RHEX: variants seen among roughly 807,000 people sequenced by gnomAD.
The protein encoded by RHEX is regulator of hemoglobinization and erythroid cell expansion protein.
RHEX carries 18 observed loss-of-function variants against 20.1 expected under a neutral mutation model. That is an observed-to-expected ratio of 0.90 (90% CI 0.62 to 1.33). The LOEUF is 1.33. Ranked by LOEUF, RHEX falls within the 40% of genes most tolerant of loss-of-function variation. The pLI, the probability that RHEX is intolerant of heterozygous loss-of-function variation, is 0.00. For synonymous variants in RHEX, 87 were observed against 77.1 expected, an observed-to-expected ratio of 1.13 and a Z score of -0.67; for missense variants, 192 against 214.3, an observed-to-expected ratio of 0.90 and a Z score of 0.65.
chr1:206,095,371 G>A (rs1663042976), intron 1 of RHEX, among the ~76,000 whole-genome samples: 1 of 150,204 alleles, frequency 6.7e-6, no homozygotes. Flanking sequence ...ACATGTTTAC[G>A]ATATATTAAG....
At chr1:206,056,820 A>T (rs1662203697) in intron 1 of RHEX, among the ~76,000 whole-genome samples, 1 of 152,252 alleles carries the variant, frequency 6.6e-6, no homozygotes, top group African/African-American at 2.4e-5. Context: ...AGTAAAAAAA[A>T]ATAAGTATAT....
intron 1 of RHEX, among the ~76,000 whole-genome samples, chr1:206,086,134 G>A (rs922018717): frequency 6.6e-6 from 1 of 152,120 alleles, no homozygotes; most frequent in Non-Finnish European, 1.5e-5. Flanking sequence ...CATAGGAACA[G>A]GCATTGTTTA....
intron 1 of RHEX, among the ~76,000 whole-genome samples, chr1:206,095,605 T>C (rs1252496301): frequency 6.6e-6 from 1 of 151,992 alleles, no homozygotes; most frequent in African/African-American, 2.4e-5. Context: ...TCACCTGAGG[T>C]TGGGAGTTCG....
intron 1 of RHEX, among the ~76,000 whole-genome samples, chr1:206,087,178 TG>T (rs1403250320): frequency 6.6e-6 from 1 of 152,244 alleles, no homozygotes; most frequent in African/African-American, 2.4e-5. Flanking sequence ...CTCGCTTGTG[TG>T]GTCGCTTTGC....
At chr1:206,089,096 A>G (rs1662896252) in intron 1 of RHEX, among the ~76,000 whole-genome samples, 1 of 152,228 alleles carries the variant, frequency 6.6e-6, no homozygotes. Context: ...CTATTTAGAA[A>G]TAACTCCCAA....
intron 4 of RHEX, 138 bp downstream of exon 4, chr1:206,099,936 G>T (rs548476069): frequency 1.1e-5 from 8 of 732,680 alleles, no homozygotes; most frequent in Non-Finnish European, 1.4e-5. Context: ...GGACAGCCTT[G>T]CCAGCCTACT....
intron 1 of RHEX, among the ~76,000 whole-genome samples, chr1:206,080,035 G>A (rs559833107): frequency 3.9e-5 from 6 of 152,332 alleles, no homozygotes; most frequent in African/African-American, 1.4e-4. Flanking sequence ...TATAGACGTT[G>A]TTCAGGATCA....
At chr1:206,064,674 G>A (rs1388310883) in intron 1 of RHEX, among the ~76,000 whole-genome samples, 13 of 149,098 alleles carry the variant, frequency 8.7e-5, no homozygotes, top group Non-Finnish European at 1.8e-4. Flanking sequence ...CCCCCCGCCC[G>A]GCCAGCCGCC....
At chr1:206,100,540 A>T (rs1663166926) in intron 4 of RHEX, among the ~76,000 whole-genome samples, 1 of 152,176 alleles carries the variant, frequency 6.6e-6, no homozygotes, top group Admixed American at 6.5e-5. Flanking sequence ...TTTCAACAGA[A>T]CTGGAGAGGC....
intron 1 of RHEX, among the ~76,000 whole-genome samples, chr1:206,060,220 C>CT (rs782252416): frequency 6.6e-6 from 1 of 151,930 alleles, no homozygotes; most frequent in Non-Finnish European, 1.5e-5. Context: ...ATGATTGTTC[C>CT]TATCTCAGGT....
intron 1 of RHEX, among the ~76,000 whole-genome samples, chr1:206,058,287 C>T (rs1294603878): frequency 2.6e-5 from 4 of 151,986 alleles, no homozygotes; most frequent in African/African-American, 7.2e-5. Context: ...AAAACTTCGT[C>T]GCTTAACCTT....
intron 5 of RHEX, 21 bp downstream of exon 5, chr1:206,101,218 T>C: frequency 6.3e-7 from 1 of 1,593,488 alleles, no homozygotes; most frequent in South Asian, 1.1e-5. Context: ...TGCCTAGTGA[T>C]CTCAGACGAA....
intron 1 of RHEX, among the ~76,000 whole-genome samples, chr1:206,080,906 G>A (rs932285154): frequency 2.6e-5 from 4 of 152,052 alleles, no homozygotes; most frequent in Admixed American, 6.6e-5. Flanking sequence ...GCGCTCAAAC[G>A]ATTTTTTCAC....
intron 1 of RHEX, among the ~76,000 whole-genome samples, chr1:206,070,196 C>T (rs1202253263): frequency 6.6e-6 from 1 of 152,070 alleles, no homozygotes; most frequent in Non-Finnish European, 1.5e-5. Context: ...GAAATTCTAC[C>T]AGCTCGCCCT....
intron 1 of RHEX, among the ~76,000 whole-genome samples, chr1:206,072,239 G>A (rs1221647938): frequency 6.6e-6 from 1 of 152,152 alleles, no homozygotes; most frequent in Non-Finnish European, 1.5e-5. Flanking sequence ...CAAAACTGAT[G>A]AACATAGAAA....
chr1:206,064,652 TGGG>T (rs1359610905), intron 1 of RHEX, among the ~76,000 whole-genome samples: 2 of 125,108 alleles, frequency 1.6e-5, no homozygotes, highest in Admixed American at 1.6e-4. Flanking sequence ...CGGGGGGAGG[TGGG>T]GGGGTCAGCC....
At chr1:206,078,992 T>C (rs1343389808) in intron 1 of RHEX, among the ~76,000 whole-genome samples, 1 of 152,184 alleles carries the variant, frequency 6.6e-6, no homozygotes. Context: ...CAATAATAAA[T>C]GATCTGAATT....
intron 1 of RHEX, 117 bp from the exon 2 acceptor site, chr1:206,097,616 C>A: frequency 3.2e-6 from 2 of 632,754 alleles, no homozygotes; most frequent in East Asian, 5.5e-5. Context: ...GGGACTGAAG[C>A]AAGTATGATG....
intron 1 of RHEX, among the ~76,000 whole-genome samples, chr1:206,053,558 C>A (rs1238395178): frequency 6.6e-6 from 1 of 151,944 alleles, no homozygotes; most frequent in Non-Finnish European, 1.5e-5. Context: ...AAGCATGGGT[C>A]AGGTACAAAT....
Sources: gnomAD v4.1 joint callset for allele counts (sites outside exome capture counted in the v4.1 genomes callset) on GRCh38, gnomAD v4.1.1 for gene constraint, MANE v1.5 for transcripts, NCBI Gene and HGNC (gene_info 2026-07-23, HGNC 2026-07-21) for gene names.